TYR: variants seen among roughly 807,000 people sequenced by gnomAD.
The protein encoded by TYR is LB24-AB.
A neutral mutation model predicts 51.5 loss-of-function variants in TYR; 58 were observed. The ratio of observed to expected loss-of-function variants is 1.13; its 90% confidence interval spans 0.91 to 1.40. TYR has a LOEUF of 1.40. TYR is among the 40% of genes most tolerant of loss of function. The pLI is 0.00. For synonymous variants in TYR, 263 were observed against 235.2 expected (o/e 1.12, Z -1.08); for missense variants, 732 against 647.4 (o/e 1.13, Z -1.42).
chr11:89,194,799 C>T (rs1943493701), intron 2 of TYR, among the ~76,000 whole-genome samples: 1 of 152,148 alleles, frequency 6.6e-6, no homozygotes, highest in South Asian at 2.1e-4. Flanking sequence ...GCCCATGGTA[C>T]ACCTTCAAGC....
chr11:89,257,012 T>C (rs1455689812), intron 3 of TYR, among the ~76,000 whole-genome samples: 1 of 151,928 alleles, frequency 6.6e-6, no homozygotes, highest in African/African-American at 2.4e-5. Context: ...GGAATGATAA[T>C]GCTGATTCTT....
At position 89,284,879 on chromosome 11, in the gene TYR, C is replaced by A. The variant is rs368604842; in HGVS notation, c.1291C>A (p.Pro431Thr). Residue 431 changes from proline (P) to threonine (T), a missense_variant, in exon 4 of 5, where the codon CCA becomes ACA. Transcript: ENST00000263321. The part of the protein sequence containing the change: ...NRESYMVPFI[P>T]LYRNGDFFIS... ...GGAATCCTACATGGTTCCTTTTATACCACTGTACAGAAATGGTGATTTCTT... is the reference window on the plus strand; with the variant it reads ...GGAATCCTACATGGTTCCTTTTATAACACTGTACAGAAATGGTGATTTCTT... The A allele has an allele frequency of 3.3e-5, 53 of 1,611,626 alleles. No individual in the cohort carries two copies. The highest frequency in any genetic ancestry group is 4.4e-5 in the Non-Finnish European group (52 of 1,178,442).
At chr11:89,224,948 T>A (rs1943959320) in intron 2 of TYR, among the ~76,000 whole-genome samples, 1 of 152,068 alleles carries the variant, frequency 6.6e-6, no homozygotes, top group African/African-American at 2.4e-5. Context: ...TTTGCTGGAT[T>A]GTATCATTAT....
chr11:89,200,578 G>C (rs888842816), intron 2 of TYR: 1 of 151,986 alleles, frequency 6.6e-6, no homozygotes, highest in African/African-American at 2.4e-5. Flanking sequence ...GAAATAAAAA[G>C]ATCTTGCATA....
intron 3 of TYR, among the ~76,000 whole-genome samples, chr11:89,254,342 T>A (rs975642507): frequency 1.3e-5 from 2 of 151,852 alleles, no homozygotes; most frequent in South Asian, 2.1e-4. Context: ...ACTGTCTTCA[T>A]AGAATGATTT....
intron 3 of TYR, chr11:89,283,872 G>A (rs1944749215): frequency 6.6e-6 from 1 of 151,700 alleles, no homozygotes; most frequent in South Asian, 2.1e-4. Flanking sequence ...AACTCTGCCT[G>A]ATTTAAGTAG....
At chr11:89,225,780 A>C (rs12792733) in intron 2 of TYR, among the ~76,000 whole-genome samples, 1 of 151,350 alleles carries the variant, frequency 6.6e-6, no homozygotes, top group East Asian at 1.9e-4. Context: ...ATTTGATAGT[A>C]CAGTAGGAAA....
rs148815276 is a variant in TYR at position 89,191,275 on chromosome 11, G to A, written c.893G>A (p.Arg298Gln). The stretch of plus-strand genomic sequence containing the variant: ...AATGGAACGCCCGAGGGACCTTTAC[G>A]GCGTAATCCTGGAAACCATGACAAA... ...LCNGTPEGPL[R>Q]RNPGNHDKSR... The change falls in exon 2 of 5, where the codon CGG becomes CAG. Residue 298 changes from arginine (R) to glutamine (Q), a missense_variant. Arg to Gln is a conservative substitution (Grantham distance 43). Coordinates refer to ENST00000263321, the MANE Select transcript of TYR (RefSeq NM_000372.5). 4.9e-5 allele frequency: 79 copies of A among 1,613,550 alleles called. No individual in the cohort carries two copies. Among genetic ancestry groups the A allele is most frequent in the South Asian group, 3.3e-4 (30 of 91,070 alleles).
intron 3 of TYR, among the ~76,000 whole-genome samples, chr11:89,273,732 GT>G (rs757552857): frequency 1.4e-4 from 22 of 151,986 alleles, no homozygotes; most frequent in South Asian, 6.2e-4. Context: ...CACAGACTGG[GT>G]AGCTTAAACA....
intron 4 of TYR, among the ~76,000 whole-genome samples, chr11:89,290,722 C>T (rs1037604471): frequency 5.3e-5 from 8 of 151,832 alleles, no homozygotes; most frequent in African/African-American, 1.5e-4. Flanking sequence ...AGGGAACTTC[C>T]CCCAAAGTTA....
At chr11:89,283,261 T>A (rs932020735) in intron 3 of TYR, among the ~76,000 whole-genome samples, 2 of 151,854 alleles carry the variant, frequency 1.3e-5, no homozygotes, top group African/African-American at 4.8e-5. Flanking sequence ...AAGTAGTGTG[T>A]TCAAGTTCAG....
chr11:89,206,991 A>G (rs972729367), intron 2 of TYR, among the ~76,000 whole-genome samples: 4 of 152,116 alleles, frequency 2.6e-5, no homozygotes, highest in Non-Finnish European at 4.4e-5. Context: ...GAGAGGGGGA[A>G]GTATAGTACT....
chr11:89,281,405 C>T (rs987630868), intron 3 of TYR, among the ~76,000 whole-genome samples: 2 of 151,658 alleles, frequency 1.3e-5, no homozygotes, highest in South Asian at 4.1e-4. Flanking sequence ...GAGGTCTTCA[C>T]CATAAAAACC....
At chr11:89,201,828 G>A (rs79189114) in intron 2 of TYR, among the ~76,000 whole-genome samples, 3,851 of 152,210 alleles carry the variant, frequency 0.025, 174 homozygotes, top group African/African-American at 0.089. Context: ...TAAAATATTG[G>A]GATTGTAGAA....
At chr11:89,205,299 T>C (rs78559030) in intron 2 of TYR, among the ~76,000 whole-genome samples, 3,452 of 152,230 alleles carry the variant, frequency 0.023, 123 homozygotes, top group African/African-American at 0.077. Flanking sequence ...TTTTGTGTTA[T>C]TAGTGTCCTA....
intron 3 of TYR, among the ~76,000 whole-genome samples, chr11:89,240,419 C>T (rs1309342866): frequency 1.3e-5 from 2 of 151,916 alleles, no homozygotes; most frequent in Non-Finnish European, 2.9e-5. Context: ...TTTCTATTTA[C>T]TTCCTTTGCT....
At position 89,178,050 on chromosome 11, in the gene TYR, A is replaced by G. The variant is rs1388451551; in HGVS notation, c.97A>G (p.Lys33Glu). ...TGTCTCCTCTAAGAACCTGATGGAG[A>G]AGGAATGCTGTCCACCGTGGAGCGG... The part of the protein sequence containing the change: ...ACVSSKNLME[K>E]ECCPPWSGDR... The change falls in exon 1 of 5, where the codon AAG becomes GAG. Residue 33 changes from lysine to glutamate, a missense_variant. By Grantham distance (56) the Lys-to-Glu change is moderately conservative (BLOSUM62 1). Coordinates refer to ENST00000263321, the MANE Select transcript of TYR (RefSeq NM_000372.5). 9.3e-6 allele frequency: 15 copies of G among 1,614,152 alleles called. No individual in the cohort carries two copies. The highest frequency in any genetic ancestry group is 1.3e-5 in the Non-Finnish European group (15 of 1,180,020).
Position 89,178,795 on chromosome 11 carries a change from T to C in TYR, c.819+23T>C, listed in dbSNP as rs1441912258. 3.1e-6 allele frequency: 5 copies of C among 1,612,256 alleles called. No homozygotes were observed. The South Asian group carries it at 3.3e-5, about 11-fold the overall frequency. ...CAGGTAAGATATGCTAGATATACGATGTCAGAGTAGGGAGGAACCTTAACA... is the reference window on the plus strand; with the variant it reads ...CAGGTAAGATATGCTAGATATACGACGTCAGAGTAGGGAGGAACCTTAACA... On this transcript the variant is annotated intron_variant, in intron 1 of 4. Transcript: ENST00000263321.
chr11:89,234,008 C>T (rs754077772), intron 3 of TYR, among the ~76,000 whole-genome samples: 19 of 143,554 alleles, frequency 1.3e-4, no homozygotes, highest in Non-Finnish European at 2.8e-4. Context: ...TCCTTAGTAG[C>T]TGTGAAAGTT....
Sources: allele counts gnomAD v4.1 joint callset (sites outside exome capture counted in the v4.1 genomes callset), GRCh38; gene constraint gnomAD v4.1.1; transcripts MANE v1.5; gene names NCBI Gene and HGNC (gene_info 2026-07-23, HGNC 2026-07-21).